Variants in GTPBP4 observed in about 807,000 individuals in gnomAD.
The protein encoded by GTPBP4 is GTP binding protein 4.
Under a neutral mutation model 81.7 loss-of-function variants are expected in GTPBP4, and 15 were observed. The observed-to-expected ratio is 0.18, with a 90% CI of 0.12 to 0.28. The LOEUF (loss-of-function observed/expected upper bound fraction) is 0.28, where lower values mean the gene tolerates loss of function less well. Among genes scored for constraint, GTPBP4 ranks in the 10% least tolerant of loss-of-function variants. GTPBP4 has a pLI of 1.00. For synonymous variants in GTPBP4, 272 were observed against 274.6 expected (o/e 0.99, Z 0.09); for missense variants, 847 against 793.8 (o/e 1.07, Z -0.81).
chr10:1,012,480 GA>G lies in GTPBP4; in HGVS notation c.1365del (p.Glu456LysfsTer4). ...ATTTTTAAAGAAATTGGAAGAATTA[GA>G]AAAAGAAGAAGAGCTGAGAACAGCT... is the stretch of plus-strand genomic sequence containing the variant. ...PAIMKKLEEL[E>X]KEEELRTAAG... On this transcript the variant is annotated frameshift_variant, in exon 14 of 17. Transcript: ENST00000360803. LOFTEE classifies it high-confidence loss of function. 6.3e-7 allele frequency: 1 copy of G among 1,596,278 alleles called. No homozygotes were observed. Among genetic ancestry groups the G allele is most frequent in the Non-Finnish European group, 8.5e-7 (1 of 1,173,406 alleles).
chr10:989,859 C>A (rs995378636), intron 1 of GTPBP4, among the ~76,000 whole-genome samples: 2 of 152,194 alleles, frequency 1.3e-5, no homozygotes, highest in Non-Finnish European at 2.9e-5. Context: ...GCCTCAGCCT[C>A]CCGAGTAGCT....
rs1276941952 is a variant in GTPBP4 at position 988,635 on chromosome 10, C to T, written c.48+108C>T. 3.7e-6 allele frequency: 3 copies of T among 802,232 alleles called. No homozygotes were observed. In the Admixed American group the frequency reaches 6.0e-5, roughly 16 times the overall value. 49.7% of individuals were successfully genotyped at this position (802,232 alleles called of 1,614,324 possible). A position where few individuals can be genotyped will look rare whatever the true frequency, so the allele number is the denominator to read the frequency against. On this transcript the variant is annotated intron_variant, in intron 1 of 16. Transcript: ENST00000360803. The stretch of plus-strand genomic sequence containing the variant: ...GGAGAGCGGTCGCCTTCCGCTCGCC[C>T]ATCCCCCGCTCCTGGGCCTGACCGT...
chr10:1,015,306 G>A (rs1589033019), intron 15 of GTPBP4, among the ~76,000 whole-genome samples: 2 of 152,198 alleles, frequency 1.3e-5, no homozygotes, highest in African/African-American at 2.4e-5. Flanking sequence ...TGGTTCAGAC[G>A]CTCCTCTCCT....
intron 2 of GTPBP4, among the ~76,000 whole-genome samples, 164 bp from the exon 3 acceptor site, chr10:995,765 C>T (rs543419346): frequency 5.9e-5 from 9 of 152,224 alleles, no homozygotes; most frequent in African/African-American, 2.2e-4. Context: ...CTTCTGATGC[C>T]TGTTTTCTCA....
chr10:1,010,549 G>A (rs760474604), intron 13 of GTPBP4, 29 bp downstream of exon 13: 1 of 1,207,520 alleles, frequency 8.3e-7, no homozygotes, highest in South Asian at 1.2e-5. Context: ...ATTGCGGATT[G>A]TTTTCCTTTT....
At chr10:989,363 C>T (rs1428881244) in intron 1 of GTPBP4, among the ~76,000 whole-genome samples, 2 of 152,180 alleles carry the variant, frequency 1.3e-5, no homozygotes, top group Admixed American at 6.5e-5. Flanking sequence ...GATCCTCCCG[C>T]CCCGGCCTCC....
rs1831973903 is a variant in GTPBP4 at position 1,015,670 on chromosome 10, C to CTCTGAGCCTGGGAGCGGGG, written c.1609-83_1609-82insTCTGAGCCTGGGAGCGGGG. ...GCTGAGCACTGAGCCTGGGAGTGGA[C>CTCTGAGCCTGGGAGCGGGG]CTGGGGTCCTGAGCGCTGAGCACTG... is the stretch of plus-strand genomic sequence containing the variant. On this transcript the variant is annotated intron_variant, in intron 15 of 16. Transcript: ENST00000360803. 4.8e-6 allele frequency: 2 copies of CTCTGAGCCTGGGAGCGGGG among 414,924 alleles called. 1 individual carries two copies. The highest frequency in any genetic ancestry group is 8.2e-6 in the Non-Finnish European group (2 of 244,316). The allele number at this position is 414,924 out of a possible 1,614,324, so 25.7% of individuals were successfully genotyped here. A position where few individuals can be genotyped will look rare whatever the true frequency, so the allele number is the denominator to read the frequency against.
At chr10:999,431 G>GT (rs1831586109) in intron 6 of GTPBP4, among the ~76,000 whole-genome samples, 2 of 152,096 alleles carry the variant, frequency 1.3e-5, no homozygotes, top group Admixed American at 6.6e-5. Flanking sequence ...CAAGAGTCTT[G>GT]TCTTTAAACA....
At chr10:997,529 C>T (rs2242271) in intron 5 of GTPBP4, among the ~76,000 whole-genome samples, 67,501 of 152,180 alleles carry the variant, frequency 0.44, 15,991 homozygotes, top group Middle Eastern at 0.58. Context: ...CTGAGCACGC[C>T]GAGCTCCTCT....
At position 1,017,292 on chromosome 10, in the gene GTPBP4, G is replaced by A; in HGVS notation, c.*65G>A. ...TTTATTTCCTGGTTTGGCACAGTAT[G>A]GTTTCATGAAATTGGAGCTCTGTAT... On this transcript the variant is annotated 3_prime_UTR_variant, in exon 17 of 17. Coordinates refer to ENST00000360803, the MANE Select transcript of GTPBP4 (RefSeq NM_012341.3). The A allele has an allele frequency of 7.0e-7, 1 of 1,432,358 alleles. No individual in the cohort carries two copies. Among genetic ancestry groups the A allele is most frequent in the South Asian group, 1.3e-5 (1 of 79,812 alleles). The allele number at this position is 1,432,358 out of a possible 1,614,324, so 88.7% of individuals were successfully genotyped here. A position where few individuals can be genotyped will look rare whatever the true frequency, so the allele number is the denominator to read the frequency against.
At chr10:1,001,058 G>T in intron 8 of GTPBP4, 45 bp downstream of exon 8, 1 of 1,365,268 alleles carries the variant, frequency 7.3e-7, no homozygotes, top group South Asian at 1.2e-5. Flanking sequence ...TACCAATTCT[G>T]AATTCTCATC....
At chr10:1,013,104 C>T (rs1220283204) in intron 14 of GTPBP4, among the ~76,000 whole-genome samples, 4 of 151,832 alleles carry the variant, frequency 2.6e-5, no homozygotes, top group Non-Finnish European at 5.9e-5. Flanking sequence ...CTGCCTCAGC[C>T]TCCCGAGTAG....
Position 996,480 on chromosome 10 carries a change from C to G in GTPBP4, c.460+238C>G, listed in dbSNP as rs181586132. ...TCATATTTAATAGGTAAGGCATACA[C>G]AAAAAAGTCACGAGAAAATACTGAA... On this transcript the variant is annotated intron_variant, in intron 4 of 16. Coordinates refer to ENST00000360803, the MANE Select transcript of GTPBP4 (RefSeq NM_012341.3). The G allele has an allele frequency of 9.3e-6, 3 of 321,310 alleles. No individual in the cohort carries two copies. In the Admixed American group the frequency reaches 1.4e-4, roughly 15 times the overall value. The allele number at this position is 321,310 out of a possible 1,614,324, so 19.9% of individuals were successfully genotyped here. A position where few individuals can be genotyped will look rare whatever the true frequency, so the allele number is the denominator to read the frequency against.
At chr10:988,980 A>G (rs1831393329) in intron 1 of GTPBP4, 1 of 164,384 alleles carries the variant, frequency 6.1e-6, no homozygotes, top group Non-Finnish European at 1.3e-5. Flanking sequence ...ACGTTTCATA[A>G]TTTTTAAGTC....
rs769198802 is a variant in GTPBP4, at chr10:1,017,186, C to G, written c.1864C>G (p.Leu622Val). The part of the protein sequence containing the change: ...HVFDMKPKHL[L>V]SGKRKAGKKD... The stretch of plus-strand genomic sequence containing the variant: ...GTTTGATATGAAGCCCAAGCACTTG[C>G]TGTCTGGGAAGAGGAAAGCTGGTAA... The change falls in exon 17 of 17, where the codon CTG (leucine) becomes GTG (valine). Residue 622 changes from leucine to valine, a missense_variant. This residue lies in a region of GTPBP4 where 600 missense variants were observed against 557.1 expected (regional missense o/e 1.08). Transcript: ENST00000360803. 1.2e-6 allele frequency: 2 copies of G among 1,613,950 alleles called. No individual in the cohort carries two copies. The highest frequency in any genetic ancestry group is 1.7e-6 in the Non-Finnish European group (2 of 1,179,860).
chr10:989,697 C>T (rs981170929), intron 1 of GTPBP4, among the ~76,000 whole-genome samples: 1 of 152,160 alleles, frequency 6.6e-6, no homozygotes, highest in African/African-American at 2.4e-5. Context: ...TTTCTTATTT[C>T]TTCCTGACAG....
chr10:1,016,525 T>G (rs990178184), intron 16 of GTPBP4, among the ~76,000 whole-genome samples: 1 of 152,246 alleles, frequency 6.6e-6, no homozygotes, highest in Non-Finnish European at 1.5e-5. Context: ...GCTTCACTCC[T>G]CTGTGCCATT....
intron 13 of GTPBP4, among the ~76,000 whole-genome samples, chr10:1,012,249 T>G (rs1325392078): frequency 6.6e-6 from 1 of 152,166 alleles, no homozygotes; most frequent in Non-Finnish European, 1.5e-5. Context: ...GGTTACTGAC[T>G]TGCTGGCGGC....
At chr10:1,011,024 AGGCCCTGGATGGG>A (rs1831855536) in intron 13 of GTPBP4, among the ~76,000 whole-genome samples, 3 of 86,474 alleles carry the variant, frequency 3.5e-5, no homozygotes, top group African/African-American at 4.5e-5. Context: ...TGTCTCCGCC[AGGCCCTGGATGGG>A]CTCTGCTGTG....
Sources: gnomAD v4.1 joint callset for allele counts (sites outside exome capture counted in the v4.1 genomes callset) on GRCh38, gnomAD v4.1.1 for gene constraint, gnomAD v4.1.1 regional missense constraint, MANE v1.5 for transcripts, NCBI Gene and HGNC (gene_info 2026-07-23, HGNC 2026-07-21) for gene names.